IQSEC1: variants seen among roughly 807,000 people sequenced by gnomAD.
IQSEC1 encodes the protein IQ motif and SEC7 domain-containing protein 1.
Under a neutral mutation model 91.0 loss-of-function variants are expected in IQSEC1, and 31 were observed. The ratio of observed to expected loss-of-function variants is 0.34; its 90% CI spans 0.26 to 0.46. IQSEC1 has a LOEUF of 0.46. Ranked by LOEUF, IQSEC1 falls within the 20% of genes least tolerant of loss-of-function variation. The pLI, the probability that IQSEC1 is intolerant of heterozygous loss-of-function variation, is 1.00. For synonymous variants in IQSEC1, 699 were observed against 662.6 expected (o/e 1.05, Z -0.84); for missense variants, 1,388 against 1,575.6 (o/e 0.88, Z 2.02).
intron 6 of IQSEC1, 121 bp downstream of exon 6, chr3:12,920,309 G>A: frequency 1.0e-6 from 1 of 975,712 alleles, no homozygotes; most frequent in Non-Finnish European, 1.6e-6. Flanking sequence ...CCAGACCCTG[G>A]AGTGCCGGAG....
intron 1 of IQSEC1, among the ~76,000 whole-genome samples, chr3:12,956,905 G>A (rs1182167053): frequency 6.6e-6 from 1 of 152,230 alleles, no homozygotes; most frequent in Non-Finnish European, 1.5e-5. Context: ...TGCCCAACGG[G>A]AGCGTGGGAA....
intron 1 of IQSEC1, among the ~76,000 whole-genome samples, chr3:12,943,869 G>T (rs1176126551): frequency 6.6e-6 from 1 of 152,218 alleles, no homozygotes; most frequent in African/African-American, 2.4e-5. Flanking sequence ...GCCAGGGCTG[G>T]GCTGCAGATC....
rs1013524394 is a variant in IQSEC1 at position 13,034,021 on chromosome 3, C to G, written c.23+38971G>C. Among the ~76,000 whole-genome samples, 7 of 152,190 alleles carry G rather than the reference C, an allele frequency of 4.6e-5. No homozygotes were observed. The South Asian group carries it at 6.2e-4, about 14-fold the overall frequency. On this transcript the variant is annotated intron_variant, in intron 1 of 13. Transcript: ENST00000613206. The stretch of plus-strand genomic sequence containing the variant: ...GGGTGCCAGTCAGACTGCATTAGGG[C>G]CCACCCTAATCCCCACATTTCACCT...
At chr3:13,276,964 C>T (rs1394284930) in intron 1 of IQSEC1, among the ~76,000 whole-genome samples, 1 of 152,022 alleles carries the variant, frequency 6.6e-6, no homozygotes, top group African/African-American at 2.4e-5. Context: ...TAGGTCAATT[C>T]CCTCTCCCCT....
At chr3:13,239,051 T>TA (rs1694978237) in intron 1 of IQSEC1, among the ~76,000 whole-genome samples, 1 of 152,180 alleles carries the variant, frequency 6.6e-6, no homozygotes, top group African/African-American at 2.4e-5. Context: ...TCCCCGAGGA[T>TA]GCCCCCTGCT....
At chr3:13,221,663 G>A (rs975221712) in intron 1 of IQSEC1, among the ~76,000 whole-genome samples, 2 of 152,242 alleles carry the variant, frequency 1.3e-5, no homozygotes, top group African/African-American at 2.4e-5. Context: ...GCGGCTCTCC[G>A]TCTCCTGCCC....
intron 1 of IQSEC1, among the ~76,000 whole-genome samples, chr3:13,182,624 C>T (rs989776503): frequency 5.3e-5 from 8 of 152,092 alleles, no homozygotes; most frequent in Non-Finnish European, 1.0e-4. Context: ...CAACCAAGAC[C>T]ACATTCTGGG....
At chr3:12,915,820 T>C (rs975691541) in intron 6 of IQSEC1, 87 bp from the exon 7 acceptor site, 8 of 1,496,486 alleles carry the variant, frequency 5.3e-6, no homozygotes, top group Non-Finnish European at 7.3e-6. Flanking sequence ...GGAGCGAACC[T>C]TCCACTAGAC....
chr3:13,001,435 A>G (rs1186511436), intron 1 of IQSEC1, among the ~76,000 whole-genome samples: 1 of 152,190 alleles, frequency 6.6e-6, no homozygotes, highest in Non-Finnish European at 1.5e-5. Flanking sequence ...CTAAGAATAC[A>G]GTTCCCAAGC....
At chr3:13,021,055 C>A (rs1703373250) in intron 1 of IQSEC1, among the ~76,000 whole-genome samples, 1 of 152,168 alleles carries the variant, frequency 6.6e-6, no homozygotes, top group South Asian at 2.1e-4. Context: ...TGCAAATCCA[C>A]CCCTTTAAAT....
chr3:13,078,446 G>T (rs1705597315), intron 2 of IQSEC1, among the ~76,000 whole-genome samples: 1 of 152,172 alleles, frequency 6.6e-6, no homozygotes, highest in Non-Finnish European at 1.5e-5. Flanking sequence ...CCCAACGGCT[G>T]CCATACCCCT....
intron 1 of IQSEC1, among the ~76,000 whole-genome samples, chr3:13,198,707 G>A: frequency 6.6e-6 from 1 of 152,316 alleles, no homozygotes; most frequent in Middle Eastern, 3.4e-3. Flanking sequence ...CATGGGCAAG[G>A]CACTGCCATG....
At chr3:13,119,543 G>A (rs2124887552) in intron 2 of IQSEC1, among the ~76,000 whole-genome samples, 2 of 152,344 alleles carry the variant, frequency 1.3e-5, no homozygotes, top group South Asian at 4.1e-4. Context: ...AAGGTTAGGT[G>A]GGTCCAACAA....
chr3:12,901,886 T>G lies in IQSEC1; in HGVS notation c.2806-364A>C, dbSNP rs575679010. Among the ~76,000 whole-genome samples the G allele has an allele frequency of 3.9e-5, 6 of 152,268 alleles. No individual in the cohort carries two copies. In the South Asian group the frequency reaches 1.2e-3, roughly 32 times the overall value. ...GGTTGGGGTGTCTGTGCGCTGTGTG[T>G]GGCGAGTGCAGAGGGGCTGATGTGC... is the stretch of plus-strand genomic sequence containing the variant. On this transcript the variant is annotated intron_variant, in intron 13 of 13. Coordinates refer to ENST00000613206, the MANE Select transcript of IQSEC1 (RefSeq NM_001134382.3).
chr3:13,136,894 T>C (rs1351550420), intron 2 of IQSEC1, among the ~76,000 whole-genome samples: 1 of 152,204 alleles, frequency 6.6e-6, no homozygotes, highest in Non-Finnish European at 1.5e-5. Context: ...CCCAGCACTC[T>C]GGGAGGCCAA....
rs189333742 is a variant in IQSEC1 at position 13,073,327 on chromosome 3, C to T, written c.-313G>A. 2.3e-3 allele frequency among the ~76,000 whole-genome samples: 349 copies of T among 152,322 alleles called. 1 individual carries two copies. The highest frequency in any genetic ancestry group is 5.6e-3 in the Admixed American group (86 of 15,310). ...GCGTCCACCTCGCTGCTACCTGGGCCCACCTTGGGGTTTTTCCCTCCCGTC... is the reference window on the plus strand; with the variant it reads ...GCGTCCACCTCGCTGCTACCTGGGCTCACCTTGGGGTTTTTCCCTCCCGTC... On this transcript the variant is annotated 5_prime_UTR_variant, in exon 1 of 14. Coordinates refer to ENST00000613206, the MANE Select transcript of IQSEC1 (RefSeq NM_001134382.3).
intron 1 of IQSEC1, 150 bp downstream of exon 1, chr3:13,072,842 C>T (rs1489066806): frequency 1.0e-5 from 7 of 675,384 alleles, no homozygotes; most frequent in African/African-American, 1.8e-5. Context: ...GGGCCGAGCG[C>T]CGGCATCCCT....
chr3:13,102,779 C>T (rs564516835), intron 2 of IQSEC1, among the ~76,000 whole-genome samples: 27 of 152,208 alleles, frequency 1.8e-4, no homozygotes, highest in African/African-American at 6.5e-4. Context: ...TGCTTGCTTG[C>T]CACTAAAATG....
In IQSEC1 at chr3:13,087,227, A is replaced by T. The variant is rs117077036; in HGVS notation, c.303-39705T>A. The stretch of plus-strand genomic sequence containing the variant: ...TTGTGATTACAGTTTATTTGCTGCG[A>T]CTTTAGTTAATGGGCTGGATGGAAT... On this transcript the variant is annotated intron_variant, in intron 2 of 15. Coordinates refer to the IQSEC1 transcript ENST00000648114. Among the ~76,000 whole-genome samples the T allele has an allele frequency of 3.8e-3, 576 of 152,372 alleles. 9 individuals are homozygous for T. Among genetic ancestry groups the T allele is most frequent in the East Asian group, 0.029 (152 of 5,192 alleles).
Sources: allele counts gnomAD v4.1 joint callset (sites outside exome capture counted in the v4.1 genomes callset), GRCh38; gene constraint gnomAD v4.1.1; transcripts MANE v1.5; gene names NCBI Gene and HGNC (gene_info 2026-07-23, HGNC 2026-07-21).